The following FBXL14 variants were observed in gnomAD, a reference collection of about 807,000 sequenced individuals.
FBXL14 encodes F-box/LRR-repeat protein 14.
FBXL14 carries 11 observed loss-of-function variants against 24.5 expected under a neutral mutation model. That is an observed-to-expected ratio of 0.45 (90% CI 0.28 to 0.74). FBXL14 has a LOEUF of 0.74. FBXL14 is among the 30% of genes least tolerant of loss of function. The pLI is 0.12. For missense variants in FBXL14, 384 were observed against 545.6 expected, an observed-to-expected ratio of 0.70 and a Z score of 2.95; for synonymous variants, 294 against 240.4, an observed-to-expected ratio of 1.22 and a Z score of -2.06.
At position 1,569,692 on chromosome 12, in the gene FBXL14, T is replaced by G. The variant is rs1013297745; in HGVS notation, c.1195-2882A>C. ...TGGGATTACAGGCGTGAGCCACCGC[T>G]CCCGGCACCACTTGGTTCTTTATGG... On this transcript the variant is annotated intron_variant, in intron 1 of 1. Coordinates refer to ENST00000339235, the MANE Select transcript of FBXL14 (RefSeq NM_152441.3). The surrounding 1 kb of genome is among the most constrained non-coding windows in gnomAD (Gnocchi z 4.2). Among the ~76,000 whole-genome samples the G allele has an allele frequency of 2.6e-5, 4 of 152,230 alleles. No individual in the cohort carries two copies. The highest frequency in any genetic ancestry group is 9.6e-5 in the African/African-American group (4 of 41,456).
At chr12:1,588,013 G>T (rs2094480473) in intron 1 of FBXL14, among the ~76,000 whole-genome samples, 1 of 152,148 alleles carries the variant, frequency 6.6e-6, no homozygotes, top group Non-Finnish European at 1.5e-5. Flanking sequence ...AGAGAGAGGG[G>T]ACCACTAGAT....
chr12:1,567,200 C>T lies in FBXL14; in HGVS notation c.1195-390G>A, dbSNP rs1442643918. Among the ~76,000 whole-genome samples, 1 of 152,056 alleles carries T rather than the reference C, an allele frequency of 6.6e-6. No homozygotes were observed. Among genetic ancestry groups the T allele is most frequent in the African/African-American group, 2.4e-5 (1 of 41,402 alleles). ...AAATAGGGCCTGGCACGGTGGCTGA[C>T]GCCTGTAATCCCAGCACTTTGGGAG... On this transcript the variant is annotated intron_variant, in intron 1 of 1. Transcript: ENST00000339235. The surrounding 1 kb of genome is among the most constrained non-coding windows in gnomAD (Gnocchi z 4.8).
chr12:1,589,302 G>A (rs979165927), intron 1 of FBXL14, among the ~76,000 whole-genome samples: 1 of 150,636 alleles, frequency 6.6e-6, no homozygotes, highest in Admixed American at 6.6e-5. Flanking sequence ...AGGAGGCTAG[G>A]TGGGAGGATC....
At chr12:1,585,465 G>C (rs548650479) in intron 1 of FBXL14, among the ~76,000 whole-genome samples, 4 of 152,058 alleles carry the variant, frequency 2.6e-5, no homozygotes, top group African/African-American at 9.6e-5. Context: ...GATTTCCTAA[G>C]GAGAAATATT....
chr12:1,594,521 G>A lies in FBXL14; in HGVS notation c.-455C>T, dbSNP rs2094497750. On this transcript the variant is annotated 5_prime_UTR_variant, in exon 1 of 2. Coordinates refer to ENST00000339235, the MANE Select transcript of FBXL14 (RefSeq NM_152441.3). ...GGCGGCGAGGGGGCCCCGGGGGCCG[G>A]GCGCACGGGCTCCGGGCGCGGAGGA... 6.8e-6 allele frequency among the ~76,000 whole-genome samples: 1 copy of A among 147,486 alleles called. No homozygotes were observed. Among genetic ancestry groups the A allele is most frequent in the Non-Finnish European group, 1.5e-5 (1 of 66,186 alleles).
At chr12:1,594,660 C>T (rs1463451625), upstream of FBXL14, among the ~76,000 whole-genome samples, 1 of 149,126 alleles carries the variant, frequency 6.7e-6, no homozygotes, top group Non-Finnish European at 1.5e-5. Flanking sequence ...CGGCGGCGTG[C>T]GTTCCTTCTC....
At chr12:1,575,950 G>A (rs1298387660) in intron 1 of FBXL14, among the ~76,000 whole-genome samples, 1 of 152,182 alleles carries the variant, frequency 6.6e-6, no homozygotes, top group Non-Finnish European at 1.5e-5. Flanking sequence ...TCTTGCTGAG[G>A]AAGCCTGCCT....
At chr12:1,583,132 TTAAA>T (rs2094469954) in intron 1 of FBXL14, among the ~76,000 whole-genome samples, 1 of 133,718 alleles carries the variant, frequency 7.5e-6, no homozygotes, top group African/African-American at 3.5e-5. Context: ...TTAAAAAAAA[TTAAA>T]AAAAAGATAC....
rs115429793 is a variant in FBXL14 at position 1,583,424 on chromosome 12, A to T, written c.1194+9449T>A. 6.6e-3 allele frequency among the ~76,000 whole-genome samples: 997 copies of T among 152,156 alleles called. 8 individuals are homozygous for T. The highest frequency in any genetic ancestry group is 0.022 in the African/African-American group (895 of 41,534). ...TTAGAAGTTAATGTTTGATTCTCTT[A>T]GCTCCAAAAGCAGAGAGCTGCAAAA... is the stretch of plus-strand genomic sequence containing the variant. On this transcript the variant is annotated intron_variant, in intron 1 of 1. Transcript: ENST00000339235.
rs147227696 is a variant in FBXL14 at position 1,580,602 on chromosome 12, C to T, written c.1194+12271G>A. 7.2e-3 allele frequency among the ~76,000 whole-genome samples: 1,091 copies of T among 152,208 alleles called. 14 individuals are homozygous for T. The highest frequency in any genetic ancestry group is 0.025 in the African/African-American group (1,049 of 41,536). On this transcript the variant is annotated intron_variant, in intron 1 of 1. Coordinates refer to ENST00000339235, the MANE Select transcript of FBXL14 (RefSeq NM_152441.3). ...CTTAAAAAATAATTGCGGACCCAAACCTCTGGCCTCCAGCACATTTTCCAC... is the reference window on the plus strand; with the variant it reads ...CTTAAAAAATAATTGCGGACCCAAATCTCTGGCCTCCAGCACATTTTCCAC...
rs890784618 is a variant in FBXL14, at chr12:1,566,506, A to C, written c.*242T>G. Reference sequence around the variant, plus strand: ...AAAAGCTGAACAGACTGAAAAAGCAAGTCTCCTTGGATCCATAAAGGAAGC... The same window carrying C: ...AAAAGCTGAACAGACTGAAAAAGCACGTCTCCTTGGATCCATAAAGGAAGC... On this transcript the variant is annotated 3_prime_UTR_variant, in exon 2 of 2. Coordinates refer to ENST00000339235, the MANE Select transcript of FBXL14 (RefSeq NM_152441.3). 2.1e-5 allele frequency: 9 copies of C among 424,456 alleles called. No homozygotes were observed. Among genetic ancestry groups the C allele is most frequent in the Non-Finnish European group, 3.7e-5 (9 of 240,072 alleles). 26.3% of individuals were successfully genotyped at this position (424,456 alleles called of 1,614,324 possible).
In FBXL14 at chr12:1,569,589, A is replaced by G. The variant is rs976316855; in HGVS notation, c.1195-2779T>C. ...CTAATTTTTTGTGTTTTTAGTAGAG[A>G]TGGGGTTTCACCGTGTTAGCCAGGA... On this transcript the variant is annotated intron_variant, in intron 1 of 1. Coordinates refer to ENST00000339235, the MANE Select transcript of FBXL14 (RefSeq NM_152441.3). This position sits in a 1 kb window ranked among gnomAD's most constrained non-coding sequence, Gnocchi z 4.2. Among the ~76,000 whole-genome samples, 3 of 151,848 alleles carry G rather than the reference A, an allele frequency of 2.0e-5. No individual in the cohort carries two copies. Among genetic ancestry groups the G allele is most frequent in the Admixed American group, 6.6e-5 (1 of 15,254 alleles).
chr12:1,590,992 C>T (rs1245523037), intron 1 of FBXL14, among the ~76,000 whole-genome samples: 1 of 152,206 alleles, frequency 6.6e-6, no homozygotes, highest in Non-Finnish European at 1.5e-5. Flanking sequence ...AACATCACCT[C>T]TAGATCTCAT....
rs1450979774 is a variant in FBXL14 at position 1,579,807 on chromosome 12, G to C, written c.1195-12997C>G. On this transcript the variant is annotated intron_variant, in intron 1 of 1. Transcript: ENST00000339235. This position sits in a 1 kb window ranked among gnomAD's most constrained non-coding sequence, Gnocchi z 4.3. Reference sequence around the variant, plus strand: ...ATTTGTAGTCATTTCCTTTTTACTGGGTATTTGCATACATCACTAACCAGC... The same window carrying C: ...ATTTGTAGTCATTTCCTTTTTACTGCGTATTTGCATACATCACTAACCAGC... 1.3e-5 allele frequency among the ~76,000 whole-genome samples: 2 copies of C among 151,970 alleles called. No individual in the cohort carries two copies. The highest frequency in any genetic ancestry group is 2.9e-5 in the Non-Finnish European group (2 of 67,986).
At position 1,568,341 on chromosome 12, in the gene FBXL14, G is replaced by A. The variant is rs118127410; in HGVS notation, c.1195-1531C>T. On this transcript the variant is annotated intron_variant, in intron 1 of 1. Coordinates refer to ENST00000339235, the MANE Select transcript of FBXL14 (RefSeq NM_152441.3). ...TCCTTTAAAAGTAAAGGAGAATAAAGACTTTTTCAGACAAACAAAACTTCA... is the reference window on the plus strand; with the variant it reads ...TCCTTTAAAAGTAAAGGAGAATAAAAACTTTTTCAGACAAACAAAACTTCA... 3.3e-5 allele frequency among the ~76,000 whole-genome samples: 5 copies of A among 152,256 alleles called. No homozygotes were observed. In the East Asian group the frequency reaches 9.7e-4, roughly 29 times the overall value.
chr12:1,579,073 G>A lies in FBXL14; in HGVS notation c.1195-12263C>T, dbSNP rs1479301892. 6.6e-6 allele frequency among the ~76,000 whole-genome samples: 1 copy of A among 151,988 alleles called. No homozygotes were observed. The highest frequency in any genetic ancestry group is 1.5e-5 in the Non-Finnish European group (1 of 67,990). On this transcript the variant is annotated intron_variant, in intron 1 of 1. Transcript: ENST00000339235. The surrounding 1 kb of genome is among the most constrained non-coding windows in gnomAD (Gnocchi z 4.3). ...GGCTCCAGATAACACACTTCTACTT[G>A]CTTTCTTTAGGGAAACGACATGGTC...
At chr12:1,589,880 C>T (rs952268767) in intron 1 of FBXL14, among the ~76,000 whole-genome samples, 1 of 152,092 alleles carries the variant, frequency 6.6e-6, no homozygotes, top group African/African-American at 2.4e-5. Context: ...TAACATTTAA[C>T]GTAAAAAGGA....
Position 1,592,934 on chromosome 12 carries a change from G to A in FBXL14, c.1133C>T (p.Thr378Met). The A allele has an allele frequency of 1.2e-6, 2 of 1,611,032 alleles. No homozygotes were observed. The highest frequency in any genetic ancestry group is 1.7e-6 in the Non-Finnish European group (2 of 1,177,982). The change falls in exon 1 of 2, where the codon ACG becomes ATG. Residue 378 changes from threonine to methionine, a missense_variant. By Grantham distance (81) the Thr-to-Met change is moderately conservative. Transcript: ENST00000339235. ...RITKRGLERI[T>M]QLPCLKVLNL... Reference sequence around the variant, plus strand: ...GAGTACCTTGAGGCACGGCAGCTGCGTGATGCGCTCCAGGCCGCGCTTGGT... The same window carrying A: ...GAGTACCTTGAGGCACGGCAGCTGCATGATGCGCTCCAGGCCGCGCTTGGT...
intron 1 of FBXL14, among the ~76,000 whole-genome samples, chr12:1,570,051 G>A (rs2094442780): frequency 1.3e-5 from 2 of 152,218 alleles, no homozygotes. Flanking sequence ...GCATGGAAGA[G>A]GGGTTTTTCC....
Sources: allele counts gnomAD v4.1 joint callset (sites outside exome capture counted in the v4.1 genomes callset), GRCh38; gene constraint gnomAD v4.1.1; non-coding constraint Gnocchi (gnomAD v3.1); transcripts MANE v1.5; gene names NCBI Gene and HGNC (gene_info 2026-07-23, HGNC 2026-07-21).